The following PCDH9 variants were observed in gnomAD, a reference collection of about 807,000 sequenced individuals.
PCDH9 encodes the protein protocadherin-9.
In PCDH9, 24 loss-of-function variants were observed where a neutral mutation model predicts 70.6. The observed-to-expected ratio is 0.34, with a 90% CI of 0.25 to 0.48. The LOEUF (loss-of-function observed/expected upper bound fraction) is 0.48. Ranked by LOEUF, PCDH9 falls within the 20% of genes least tolerant of loss-of-function variation. The pLI is 0.99. For synonymous variants in PCDH9, 562 were observed against 558.5 expected (o/e 1.01, Z -0.09); for missense variants, 1,281 against 1,503.6 (o/e 0.85, Z 2.45).
At chr13:66,824,687 T>TATATATGCACACACAC (rs2080782719) in intron 3 of PCDH9, among the ~76,000 whole-genome samples, 1 of 53,358 alleles carries the variant, frequency 1.9e-5, no homozygotes, top group Non-Finnish European at 5.3e-5. Context: ...TATATATATA[T>TATATATGCACACACAC]ATATATATAT....
At chr13:66,568,994 CT>C (rs61067249) in intron 4 of PCDH9, among the ~76,000 whole-genome samples, 5,012 of 58,058 alleles carry the variant, frequency 0.086, 34 homozygotes, top group Middle Eastern at 0.21. Flanking sequence ...GGAAACATGT[CT>C]TTTTTTTTTT....
At chr13:66,984,331 T>C (rs1275798797) in intron 2 of PCDH9, among the ~76,000 whole-genome samples, 2 of 152,164 alleles carry the variant, frequency 1.3e-5, no homozygotes, top group Non-Finnish European at 2.9e-5. Flanking sequence ...CTGATGTAAA[T>C]TGTCAGATGA....
At chr13:66,766,566 T>G (rs1204248925) in intron 3 of PCDH9, among the ~76,000 whole-genome samples, 1 of 151,884 alleles carries the variant, frequency 6.6e-6, no homozygotes, top group Non-Finnish European at 1.5e-5. Context: ...TTGGGAAATA[T>G]TTTATATTTC....
intron 3 of PCDH9, among the ~76,000 whole-genome samples, chr13:66,730,933 G>A (rs1368152015): frequency 3.0e-5 from 4 of 131,836 alleles, no homozygotes; most frequent in Non-Finnish European, 3.1e-5. Context: ...CTATGCTGCC[G>A]AGGCTGTCTC....
chr13:67,195,239 A>G (rs574622952), intron 2 of PCDH9, among the ~76,000 whole-genome samples: 82 of 151,022 alleles, frequency 5.4e-4, no homozygotes, highest in African/African-American at 1.8e-3. Context: ...TCCGCCTCCC[A>G]GGTTCATGCC....
At chr13:66,987,053 G>C (rs1280921737) in intron 2 of PCDH9, among the ~76,000 whole-genome samples, 2 of 151,954 alleles carry the variant, frequency 1.3e-5, no homozygotes, top group Non-Finnish European at 2.9e-5. Flanking sequence ...AATGGCATTT[G>C]AGAGGGCAGA....
At chr13:67,075,226 C>G (rs115225895) in intron 2 of PCDH9, among the ~76,000 whole-genome samples, 6 of 151,942 alleles carry the variant, frequency 3.9e-5, no homozygotes, top group Non-Finnish European at 7.4e-5. Flanking sequence ...TTGCTCCAAA[C>G]GTAGCCCACA....
At chr13:66,720,901 A>C (rs1366040825) in intron 3 of PCDH9, among the ~76,000 whole-genome samples, 1 of 152,172 alleles carries the variant, frequency 6.6e-6, no homozygotes, top group Non-Finnish European at 1.5e-5. Flanking sequence ...TCGTGGGTAT[A>C]CGCAGGGGAA....
At chr13:66,490,312 T>A (rs1336490743) in intron 4 of PCDH9, among the ~76,000 whole-genome samples, 1 of 152,188 alleles carries the variant, frequency 6.6e-6, no homozygotes, top group Non-Finnish European at 1.5e-5. Context: ...AGAGGGTGAT[T>A]TTTCCATTAA....
intron 3 of PCDH9, among the ~76,000 whole-genome samples, chr13:66,691,461 T>C (rs2078484507): frequency 6.6e-6 from 1 of 152,222 alleles, no homozygotes. Flanking sequence ...TCTAGTCCAA[T>C]GTATTGTCAA....
At chr13:66,760,958 T>C (rs1341998334) in intron 3 of PCDH9, among the ~76,000 whole-genome samples, 3 of 152,160 alleles carry the variant, frequency 2.0e-5, no homozygotes, top group African/African-American at 4.8e-5. Flanking sequence ...AGACTGGTTG[T>C]CTGCTCCTGA....
chr13:66,576,725 C>T (rs1271574717), intron 4 of PCDH9, among the ~76,000 whole-genome samples: 1 of 152,038 alleles, frequency 6.6e-6, no homozygotes, highest in African/African-American at 2.4e-5. Context: ...CACAATCTCA[C>T]TCCTTTTCAA....
chr13:66,453,916 A>T (rs1958265023), intron 4 of PCDH9, among the ~76,000 whole-genome samples: 1 of 152,166 alleles, frequency 6.6e-6, no homozygotes, highest in Admixed American at 6.6e-5. Context: ...TATAAAAGGA[A>T]CTCAGAACAT....
Position 66,568,419 on chromosome 13 carries a change from A to ACACACG in PCDH9, c.3340+62785_3340+62790dup, listed in dbSNP as rs79706307. On this transcript the variant is annotated intron_variant, in intron 4 of 4. Coordinates refer to ENST00000377865, the MANE Select transcript of PCDH9 (RefSeq NM_203487.3). ...GAAATATTTACTCACAGACACATACACACACGCACACGCACACGCACACAC... is the reference window on the plus strand; with the variant it reads ...GAAATATTTACTCACAGACACATACACACACGCACACGCACACGCACACGCACACAC... 2.1e-3 allele frequency among the ~76,000 whole-genome samples: 141 copies of ACACACG among 66,430 alleles called. 2 individuals carry two copies. The highest frequency in any genetic ancestry group is 0.01 in the African/African-American group (131 of 12,880). The allele number at this position is 66,430 out of a possible 152,430, so 43.6% of individuals were successfully genotyped here. A position where few individuals can be genotyped will look rare whatever the true frequency, so the allele number is the denominator to read the frequency against.
chr13:66,440,449 A>T (rs1201669113), intron 4 of PCDH9, among the ~76,000 whole-genome samples: 7 of 152,130 alleles, frequency 4.6e-5, no homozygotes, highest in Non-Finnish European at 7.4e-5. Context: ...TCAAGTGTGT[A>T]AAAAATCTGT....
intron 2 of PCDH9, among the ~76,000 whole-genome samples, chr13:67,020,950 G>T (rs1330562957): frequency 6.6e-6 from 1 of 152,096 alleles, no homozygotes; most frequent in African/African-American, 2.4e-5. Context: ...GAAAACTGAG[G>T]TTAAACAAGA....
intron 3 of PCDH9, among the ~76,000 whole-genome samples, chr13:66,845,131 G>A (rs1406000867): frequency 2.0e-5 from 3 of 152,144 alleles, no homozygotes; most frequent in African/African-American, 4.8e-5. Flanking sequence ...CTGGCTTGAA[G>A]GTGGGGCTTC....
intron 2 of PCDH9, among the ~76,000 whole-genome samples, chr13:67,076,962 T>C (rs1400815381): frequency 6.6e-6 from 1 of 152,178 alleles, no homozygotes; most frequent in Admixed American, 6.6e-5. Flanking sequence ...ATACAAAATC[T>C]GAACTCTTCC....
At chr13:67,121,637 A>G (rs1414747301) in intron 2 of PCDH9, among the ~76,000 whole-genome samples, 14 of 152,192 alleles carry the variant, frequency 9.2e-5, no homozygotes, top group Admixed American at 7.9e-4. Flanking sequence ...ATTTCTGGCT[A>G]GAAATAGTAC....
Sources: gnomAD v4.1 joint callset for allele counts (sites outside exome capture counted in the v4.1 genomes callset) on GRCh38, gnomAD v4.1.1 for gene constraint, MANE v1.5 for transcripts, NCBI Gene and HGNC (gene_info 2026-07-23, HGNC 2026-07-21) for gene names.